The following INPP5D variants were observed in gnomAD, a reference collection of about 807,000 sequenced individuals.
The protein encoded by INPP5D is inositol polyphosphate-5-phosphatase D, also known as phosphatidylinositol 3,4,5-trisphosphate 5-phosphatase 1.
In INPP5D, 33 loss-of-function variants were observed where a neutral mutation model predicts 122.9. That is an observed-to-expected ratio of 0.27 (90% CI 0.20 to 0.36). INPP5D has a LOEUF of 0.36. INPP5D is among the 10% of genes least tolerant of loss of function. The pLI, the probability that INPP5D is intolerant of heterozygous loss-of-function variation, is 1.00. For missense variants in INPP5D, 1,053 were observed against 1,412.7 expected, an observed-to-expected ratio of 0.75 and a Z score of 4.08; for synonymous variants, 584 against 576.2, an observed-to-expected ratio of 1.01 and a Z score of -0.19.
intron 5 of INPP5D, among the ~76,000 whole-genome samples, chr2:233,138,935 A>G (rs1294549283): frequency 7.2e-6 from 1 of 138,084 alleles, no homozygotes; most frequent in East Asian, 2.7e-4. Flanking sequence ...TTGTATTTTT[A>G]GTAGAGACGG....
chr2:233,095,797 T>C (rs1692124413), intron 2 of INPP5D, among the ~76,000 whole-genome samples: 1 of 152,064 alleles, frequency 6.6e-6, no homozygotes, highest in South Asian at 2.1e-4. Context: ...GAAATAGAGA[T>C]CCCCTTCTCC....
chr2:233,190,045 TCTC>T (rs1316874033), intron 22 of INPP5D, 108 bp downstream of exon 22: 1 of 1,484,596 alleles, frequency 6.7e-7, no homozygotes, highest in African/African-American at 1.4e-5. Flanking sequence ...GGCTCCTGCC[TCTC>T]CTTTCCTCAT....
chr2:233,081,204 C>T (rs1289793667), intron 2 of INPP5D, among the ~76,000 whole-genome samples: 2 of 152,198 alleles, frequency 1.3e-5, no homozygotes, highest in East Asian at 1.9e-4. Context: ...GACAGGGGCT[C>T]TTCACCATGT....
intron 1 of INPP5D, among the ~76,000 whole-genome samples, chr2:233,067,634 C>A (rs1691264075): frequency 6.6e-6 from 1 of 152,230 alleles, no homozygotes; most frequent in Non-Finnish European, 1.5e-5. Context: ...GTGGATCCAC[C>A]ATTTTGCATT....
chr2:233,204,059 T>G (rs1261707993), intron 25 of INPP5D, 67 bp from the exon 26 acceptor site: 2 of 1,440,312 alleles, frequency 1.4e-6, no homozygotes, highest in Admixed American at 3.0e-5. Flanking sequence ...CCAGAGCCAT[T>G]AAGCAGCCAT....
Position 233,204,509 on chromosome 2 carries a change from G to A in INPP5D, c.3359G>A (p.Arg1120Lys). 1 of 1,582,302 alleles carries A rather than the reference G, an allele frequency of 6.3e-7. No homozygotes were observed. Among genetic ancestry groups the A allele is most frequent in the Non-Finnish European group, 8.6e-7 (1 of 1,165,682 alleles). ...TCCCAGGCCCCGGTGCCGGCCAAGA[G>A]GCCCATCAAGCCTTCCAGATCGGAA... ...VSSQAPVPAK[R>K]PIKPSRSEIN... The change falls in exon 26 of 27, where the codon AGG becomes AAG. Residue 1120 changes from arginine (R) to lysine (K), a missense_variant. Transcript: ENST00000445964.
intron 14 of INPP5D, 30 bp downstream of exon 14, chr2:233,169,431 G>C: frequency 6.4e-7 from 1 of 1,565,586 alleles, no homozygotes. Context: ...CCAAGAGTGT[G>C]CATTTGGGCT....
At chr2:233,095,842 C>T (rs2106227655) in intron 2 of INPP5D, among the ~76,000 whole-genome samples, 1 of 152,202 alleles carries the variant, frequency 6.6e-6, no homozygotes, top group East Asian at 1.9e-4. Context: ...AATCCCCCAC[C>T]CTAGTCCCAC....
intron 5 of INPP5D, among the ~76,000 whole-genome samples, chr2:233,137,869 T>C (rs865962777): frequency 2.5e-5 from 1 of 39,384 alleles, no homozygotes; most frequent in African/African-American, 8.4e-5. Flanking sequence ...TATATATATA[T>C]ATATATATAT....
At chr2:233,202,399 G>A (rs1695364313) in intron 25 of INPP5D, among the ~76,000 whole-genome samples, 1 of 152,174 alleles carries the variant, frequency 6.6e-6, no homozygotes, top group Non-Finnish European at 1.5e-5. Context: ...CTGCTCTAAG[G>A]TGTTTCCAAA....
At chr2:233,190,730 C>A (rs1164780267) in intron 22 of INPP5D, among the ~76,000 whole-genome samples, 3 of 152,194 alleles carry the variant, frequency 2.0e-5, no homozygotes, top group Non-Finnish European at 4.4e-5. Flanking sequence ...ACATGTGTGG[C>A]TAGACCATGG....
intron 2 of INPP5D, among the ~76,000 whole-genome samples, chr2:233,108,564 C>T (rs77924965): frequency 0.022 from 3,414 of 152,282 alleles, 98 homozygotes; most frequent in African/African-American, 0.073. Context: ...ATGTTGCCTC[C>T]TTTCTCTCCC....
At chr2:233,163,625 TCCCGC>T in intron 11 of INPP5D, 77 bp from the exon 12 acceptor site, 2 of 1,602,280 alleles carry the variant, frequency 1.2e-6, no homozygotes, top group East Asian at 4.5e-5. Flanking sequence ...TCCCTCACAC[TCCCGC>T]CCTCTGTTTT....
At chr2:233,137,954 ATAT>A (rs1188551374) in intron 5 of INPP5D, among the ~76,000 whole-genome samples, 17 of 46,830 alleles carry the variant, frequency 3.6e-4, no homozygotes, top group African/African-American at 5.1e-4. Context: ...TGATATAATG[ATAT>A]TATATTATAA....
At chr2:233,065,619 C>T (rs1375303035) in intron 1 of INPP5D, among the ~76,000 whole-genome samples, 9 of 8,360 alleles carry the variant, frequency 1.1e-3, no homozygotes, top group African/African-American at 4.8e-3. Context: ...TTCTTTCTTT[C>T]TTTCTTTCTT....
rs112743018 is a variant in INPP5D, at chr2:233,169,417, C to A, written c.1652+16C>A. ...AGAAACTCAGGTAATGGAACTCCTT[C>A]CCCCCAAGAGTGTGCATTTGGGCTG... On this transcript the variant is annotated intron_variant, in intron 14 of 26. Coordinates refer to ENST00000445964, the MANE Select transcript of INPP5D (RefSeq NM_001017915.3). 6.4e-7 allele frequency: 1 copy of A among 1,573,512 alleles called. No individual in the cohort carries two copies. The highest frequency in any genetic ancestry group is 8.6e-7 in the Non-Finnish European group (1 of 1,158,390).
intron 25 of INPP5D, among the ~76,000 whole-genome samples, chr2:233,202,006 C>T (rs1301726448): frequency 6.6e-6 from 1 of 152,050 alleles, no homozygotes; most frequent in African/African-American, 2.4e-5. Flanking sequence ...CCAAGCTTCC[C>T]CTCTCTAAGT....
chr2:233,070,751 A>T lies in INPP5D; in HGVS notation c.135-8584A>T, dbSNP rs569884583. 4.6e-5 allele frequency among the ~76,000 whole-genome samples: 7 copies of T among 152,170 alleles called. No individual in the cohort carries two copies. In the South Asian group the frequency reaches 1.5e-3, roughly 32 times the overall value. On this transcript the variant is annotated intron_variant, in intron 1 of 26. Coordinates refer to ENST00000445964, the MANE Select transcript of INPP5D (RefSeq NM_001017915.3). The stretch of plus-strand genomic sequence containing the variant: ...CCACCGCGCCCGGCCAGGATCCAGC[A>T]GTTTATTTAATTCCACTGGGCCCTG...
At chr2:233,200,107 C>T (rs995957816) in intron 25 of INPP5D, among the ~76,000 whole-genome samples, 1 of 152,184 alleles carries the variant, frequency 6.6e-6, no homozygotes, top group Non-Finnish European at 1.5e-5. Context: ...CTGGGGAAGC[C>T]CCGGACGGTG....
Sources: gnomAD v4.1 joint callset for allele counts (sites outside exome capture counted in the v4.1 genomes callset) on GRCh38, gnomAD v4.1.1 for gene constraint, MANE v1.5 for transcripts, NCBI Gene and HGNC (gene_info 2026-07-23, HGNC 2026-07-21) for gene names.